GPC5: variants seen among roughly 807,000 people sequenced by gnomAD.
The protein encoded by GPC5 is glypican-5.
A neutral mutation model predicts 53.9 loss-of-function variants in GPC5; 47 were observed. The observed-to-expected ratio is 0.87, with a 90% confidence interval of 0.69 to 1.11. GPC5 has a LOEUF of 1.11. Among genes scored for constraint, GPC5 ranks in the 50% most tolerant of loss-of-function variants. The pLI is 0.00. For synonymous variants in GPC5, 286 were observed against 263.3 expected (o/e 1.09, Z -0.84); for missense variants, 748 against 713.1 (o/e 1.05, Z -0.56).
In GPC5 at chr13:91,610,733, C is replaced by T. The variant is rs139548044; in HGVS notation, c.326-82454C>T. 5.3e-4 allele frequency among the ~76,000 whole-genome samples: 80 copies of T among 152,206 alleles called. No individual in the cohort carries two copies. The East Asian group carries it at 0.012, about 23-fold the overall frequency. On this transcript the variant is annotated intron_variant, in intron 2 of 7. Coordinates refer to ENST00000377067, the MANE Select transcript of GPC5 (RefSeq NM_004466.6). Reference sequence around the variant, plus strand: ...CATCCCAAATCTGGAATAAGTGTGACGAACGGTAAATTTCTAAATTAAAAG... The same window carrying T: ...CATCCCAAATCTGGAATAAGTGTGATGAACGGTAAATTTCTAAATTAAAAG...
intron 2 of GPC5, among the ~76,000 whole-genome samples, chr13:91,588,870 C>T (rs1226574491): frequency 6.6e-6 from 1 of 152,132 alleles, no homozygotes; most frequent in East Asian, 1.9e-4. Flanking sequence ...ATTGGAGCTG[C>T]TGTGTCATTG....
chr13:92,188,872 G>A (rs1278788408), intron 7 of GPC5, among the ~76,000 whole-genome samples: 4 of 152,194 alleles, frequency 2.6e-5, no homozygotes, highest in African/African-American at 9.6e-5. Context: ...CAACAGAAAA[G>A]CCAACAGTCC....
chr13:92,620,703 G>A (rs1160996781), intron 7 of GPC5, among the ~76,000 whole-genome samples: 1 of 152,162 alleles, frequency 6.6e-6, no homozygotes, highest in African/African-American at 2.4e-5. Flanking sequence ...ACTTAACCGT[G>A]AGTGTAGGCA....
intron 6 of GPC5, chr13:91,995,346 T>A (rs2040494593): frequency 6.6e-6 from 1 of 152,206 alleles, no homozygotes. Context: ...GTAAAATTAT[T>A]TTTTATTATT....
intron 7 of GPC5, among the ~76,000 whole-genome samples, chr13:92,840,090 T>C (rs1367421737): frequency 1.7e-4 from 8 of 47,722 alleles, no homozygotes; most frequent in South Asian, 9.6e-4. Context: ...TATATATATA[T>C]ATATATATAT....
At chr13:92,306,463 C>G (rs573459816) in intron 7 of GPC5, among the ~76,000 whole-genome samples, 1 of 152,136 alleles carries the variant, frequency 6.6e-6, no homozygotes, top group African/African-American at 2.4e-5. Context: ...TTTTGTGACA[C>G]GGAATTGTCT....
At chr13:92,306,796 T>C (rs1427501654) in intron 7 of GPC5, among the ~76,000 whole-genome samples, 1 of 152,180 alleles carries the variant, frequency 6.6e-6, no homozygotes, top group Non-Finnish European at 1.5e-5. Flanking sequence ...CTATTTCCTT[T>C]CTTATCCTGT....
At chr13:91,825,652 A>G (rs908411389) in intron 5 of GPC5, among the ~76,000 whole-genome samples, 73 of 152,204 alleles carry the variant, frequency 4.8e-4, no homozygotes, top group African/African-American at 1.7e-3. Context: ...GAAAAGAACT[A>G]TACTGGGTGA....
intron 7 of GPC5, among the ~76,000 whole-genome samples, chr13:92,324,698 A>AG (rs2043238777): frequency 6.6e-6 from 1 of 151,870 alleles, no homozygotes; most frequent in Non-Finnish European, 1.5e-5. Context: ...ATCATTATGT[A>AG]GTACTACATT....
chr13:92,098,958 C>CT (rs10633643), intron 6 of GPC5, among the ~76,000 whole-genome samples: 61,741 of 142,968 alleles, frequency 0.43, 14,101 homozygotes, highest in East Asian at 0.79. Context: ...TTGTTCTTGC[C>CT]TTTTTTTTTT....
At chr13:91,516,358 CAA>C (rs1290494492) in intron 2 of GPC5, among the ~76,000 whole-genome samples, 4 of 152,140 alleles carry the variant, frequency 2.6e-5, no homozygotes, top group Non-Finnish European at 5.9e-5. Context: ...ATTGCCAAAA[CAA>C]AGAGATTACA....
At chr13:91,578,995 G>A (rs750950192) in intron 2 of GPC5, among the ~76,000 whole-genome samples, 4 of 151,870 alleles carry the variant, frequency 2.6e-5, no homozygotes, top group Non-Finnish European at 5.9e-5. Context: ...GCAGTGAGCC[G>A]AGATCACACC....
At chr13:91,424,982 G>A (rs1301728531) in intron 1 of GPC5, among the ~76,000 whole-genome samples, 3 of 152,190 alleles carry the variant, frequency 2.0e-5, no homozygotes, top group African/African-American at 7.2e-5. Context: ...ACTAGAATCT[G>A]GGGTGTAATG....
At chr13:91,926,632 A>AT (rs2039771483) in intron 6 of GPC5, among the ~76,000 whole-genome samples, 2 of 152,136 alleles carry the variant, frequency 1.3e-5, no homozygotes, top group Admixed American at 1.3e-4. Context: ...GTTGCCTTAA[A>AT]TCCTCTAAGC....
chr13:92,523,912 A>T (rs1402588873), intron 7 of GPC5, among the ~76,000 whole-genome samples: 1 of 152,084 alleles, frequency 6.6e-6, no homozygotes, highest in Non-Finnish European at 1.5e-5. Flanking sequence ...ATGTGTATGT[A>T]TCTTAATTTT....
intron 2 of GPC5, among the ~76,000 whole-genome samples, chr13:91,600,325 G>C (rs1420540231): frequency 2.7e-5 from 2 of 74,434 alleles, no homozygotes. Context: ...GAGAGAGAGA[G>C]AGAGAGAGAG....
intron 7 of GPC5, among the ~76,000 whole-genome samples, chr13:92,349,527 A>C (rs1278663725): frequency 6.6e-6 from 1 of 151,888 alleles, no homozygotes; most frequent in African/African-American, 2.4e-5. Flanking sequence ...TTAACGAGAA[A>C]AAAGACTCAA....
intron 7 of GPC5, among the ~76,000 whole-genome samples, chr13:92,395,825 C>T (rs574164031): frequency 6.6e-6 from 1 of 151,600 alleles, no homozygotes; most frequent in African/African-American, 2.4e-5. Context: ...AAGGTGTTCC[C>T]TCCACACTGA....
intron 6 of GPC5, among the ~76,000 whole-genome samples, chr13:92,137,780 A>G (rs1281117727): frequency 6.6e-6 from 1 of 152,052 alleles, no homozygotes; most frequent in Non-Finnish European, 1.5e-5. Flanking sequence ...ATGCCCTACC[A>G]CTCCCAGCTC....
Sources: gnomAD v4.1 joint callset for allele counts (sites outside exome capture counted in the v4.1 genomes callset) on GRCh38, gnomAD v4.1.1 for gene constraint, MANE v1.5 for transcripts, NCBI Gene and HGNC (gene_info 2026-07-23, HGNC 2026-07-21) for gene names.